Variants in ARID5B observed in about 807,000 individuals in gnomAD.
ARID5B encodes AT-rich interaction domain 5B, also known as AT-rich interactive domain-containing protein 5B.
Under a neutral mutation model 97.2 loss-of-function variants are expected in ARID5B, and 13 were observed. That is an observed-to-expected ratio of 0.13 (90% CI 0.09 to 0.21). The LOEUF is 0.21. Ranked by LOEUF, ARID5B falls within the 10% of genes least tolerant of loss-of-function variation. The probability of loss-of-function intolerance (pLI) is 1.00; values close to 1 mark genes in which losing one functional copy is unlikely to be tolerated. For missense variants in ARID5B, 1,210 were observed against 1,465.3 expected, an observed-to-expected ratio of 0.83 and a Z score of 2.84; for synonymous variants, 556 against 570.3, an observed-to-expected ratio of 0.97 and a Z score of 0.36.
At chr10:61,994,892 T>C (rs963735220) in intron 3 of ARID5B, among the ~76,000 whole-genome samples, 9 of 152,220 alleles carry the variant, frequency 5.9e-5, no homozygotes, top group Admixed American at 1.3e-4. Flanking sequence ...GGTTTAGTAA[T>C]GTTGGGTCTC....
chr10:62,086,048 T>C, intron 9 of ARID5B, 148 bp downstream of exon 9: 3 of 841,376 alleles, frequency 3.6e-6, no homozygotes, highest in Non-Finnish European at 5.6e-6. Flanking sequence ...GTTCCCCACA[T>C]AGTTCCCCAG....
At chr10:62,071,978 T>G (rs761661125) in intron 8 of ARID5B, among the ~76,000 whole-genome samples, 1 of 152,182 alleles carries the variant, frequency 6.6e-6, no homozygotes, top group Non-Finnish European at 1.5e-5. Context: ...GACTTCACCA[T>G]AGGCAGTTGC....
At chr10:61,917,561 C>T (rs1300802807) in intron 2 of ARID5B, among the ~76,000 whole-genome samples, 1 of 152,060 alleles carries the variant, frequency 6.6e-6, no homozygotes, top group African/African-American at 2.4e-5. Context: ...TGCACCTGGC[C>T]CAATCCAATT....
intron 2 of ARID5B, among the ~76,000 whole-genome samples, chr10:61,917,071 G>A (rs541071921): frequency 1.3e-5 from 2 of 151,866 alleles, no homozygotes; most frequent in East Asian, 3.9e-4. Context: ...GAGGCTAAGC[G>A]GGGAGGATCA....
At chr10:62,050,807 A>C in intron 4 of ARID5B, 81 bp from the exon 5 acceptor site, 23 of 1,155,244 alleles carry the variant, frequency 2.0e-5, no homozygotes, top group Non-Finnish European at 2.8e-5. Context: ...AGAAGGGATC[A>C]CTGTAGTGAG....
At chr10:62,014,445 A>G (rs1839258015) in intron 4 of ARID5B, among the ~76,000 whole-genome samples, 1 of 152,186 alleles carries the variant, frequency 6.6e-6, no homozygotes, top group South Asian at 2.1e-4. Flanking sequence ...GGCTGAAGGT[A>G]GGGGGTATGT....
chr10:62,032,830 G>A (rs1839514503), intron 4 of ARID5B, among the ~76,000 whole-genome samples: 1 of 152,176 alleles, frequency 6.6e-6, no homozygotes, highest in Non-Finnish European at 1.5e-5. Context: ...CATCTTAAAT[G>A]ACTCCTTTCT....
At chr10:62,064,848 A>C (rs1308334621) in intron 7 of ARID5B, among the ~76,000 whole-genome samples, 1 of 152,116 alleles carries the variant, frequency 6.6e-6, no homozygotes, top group Non-Finnish European at 1.5e-5. Context: ...ATCTTGGCTC[A>C]CTGCATCCTC....
intron 2 of ARID5B, among the ~76,000 whole-genome samples, chr10:61,928,104 G>A (rs1844138939): frequency 6.6e-6 from 1 of 152,128 alleles, no homozygotes; most frequent in African/African-American, 2.4e-5. Flanking sequence ...CTTTAAGGAA[G>A]AGTCATTGTG....
Position 62,030,005 on chromosome 10 carries a change from A to T in ARID5B, c.734-20883A>T, listed in dbSNP as rs897824021. ...CAGAGAAAGAGATGATCGCCCTATG[A>T]TAAGTTTATTGGGTTCTAAAGCTAG... On this transcript the variant is annotated intron_variant, in intron 4 of 9. Transcript: ENST00000279873. Among the ~76,000 whole-genome samples, 8 of 152,204 alleles carry T rather than the reference A, an allele frequency of 5.3e-5. 1 individual carries two copies. The highest frequency in any genetic ancestry group is 1.7e-4 in the African/African-American group (7 of 41,448).
At chr10:62,079,574 T>C (rs904462033) in intron 8 of ARID5B, among the ~76,000 whole-genome samples, 6 of 152,188 alleles carry the variant, frequency 3.9e-5, no homozygotes, top group Admixed American at 2.6e-4. Context: ...GTAACTCCAG[T>C]TCAGGAAAGC....
chr10:62,067,036 T>C (rs991943779), intron 7 of ARID5B, among the ~76,000 whole-genome samples: 1 of 152,090 alleles, frequency 6.6e-6, no homozygotes, highest in African/African-American at 2.4e-5. Flanking sequence ...CTGGATGGAT[T>C]CTGATATAAT....
rs981041383 is a variant in ARID5B, at chr10:61,935,648, G to A, written c.277-4535G>A. ...TAGTCTGTATCCTGACAATATAGTC[G>A]TGGTAGTTATATGAATCTATCCATG... On this transcript the variant is annotated intron_variant, in intron 2 of 9. Coordinates refer to ENST00000279873, the MANE Select transcript of ARID5B (RefSeq NM_032199.3). Among the ~76,000 whole-genome samples the A allele has an allele frequency of 1.2e-4, 18 of 152,226 alleles. No homozygotes were observed. In the East Asian group the frequency reaches 3.5e-3, roughly 29 times the overall value.
intron 2 of ARID5B, among the ~76,000 whole-genome samples, chr10:61,907,761 T>C (rs1419222838): frequency 3.3e-5 from 5 of 152,264 alleles, no homozygotes; most frequent in Non-Finnish European, 7.3e-5. Flanking sequence ...CCACTGTCTG[T>C]TTTTGTGAAT....
intron 2 of ARID5B, among the ~76,000 whole-genome samples, chr10:61,914,475 G>C (rs1315059652): frequency 6.6e-6 from 1 of 152,200 alleles, no homozygotes; most frequent in East Asian, 1.9e-4. Context: ...TAGTAAGAAG[G>C]AAGAAGCAAC....
chr10:61,909,336 T>TTG (rs1485055732), intron 2 of ARID5B, among the ~76,000 whole-genome samples: 16 of 144,826 alleles, frequency 1.1e-4, no homozygotes, highest in African/African-American at 3.6e-4. Context: ...TTTTTTTTTT[T>TTG]TTTTTTTGAG....
Position 62,000,340 on chromosome 10 carries a change from T to C in ARID5B, c.733+19T>C, listed in dbSNP as rs1839059659. The C allele has an allele frequency of 1.3e-6, 2 of 1,545,492 alleles. No homozygotes were observed. Among genetic ancestry groups the C allele is most frequent in the African/African-American group, 2.7e-5 (2 of 73,028 alleles). ...GAGTTTGGTGAGTCTTTTTTTTTTT[T>C]TCCTACCTGATTCTTGTGCGTGTGT... On this transcript the variant is annotated intron_variant, in intron 4 of 9. Transcript: ENST00000279873. This position sits in a 1 kb window ranked among gnomAD's most constrained non-coding sequence, Gnocchi z 4.4.
intron 4 of ARID5B, among the ~76,000 whole-genome samples, chr10:62,017,526 T>A (rs1002771855): frequency 6.6e-6 from 1 of 151,954 alleles, no homozygotes; most frequent in Non-Finnish European, 1.5e-5. Context: ...AATTTAGGAA[T>A]TCTGAGTCAG....
At chr10:62,001,611 A>G (rs545785886) in intron 4 of ARID5B, among the ~76,000 whole-genome samples, 3 of 152,270 alleles carry the variant, frequency 2.0e-5, no homozygotes, top group African/African-American at 7.2e-5. Context: ...GCAAGTAGCT[A>G]TGTGAACAGA....
Sources: gnomAD v4.1 joint callset for allele counts (sites outside exome capture counted in the v4.1 genomes callset) on GRCh38, gnomAD v4.1.1 for gene constraint, Gnocchi (gnomAD v3.1) non-coding constraint, MANE v1.5 for transcripts, NCBI Gene and HGNC (gene_info 2026-07-23, HGNC 2026-07-21) for gene names.